Variants in TCTN1 observed in about 807,000 individuals in gnomAD.
TCTN1 encodes tectonic-1.
TCTN1 carries 58 observed loss-of-function variants against 65.8 expected under a neutral mutation model. The observed-to-expected ratio is 0.88, with a 90% confidence interval of 0.71 to 1.10. TCTN1 has a LOEUF of 1.10. Among genes scored for constraint, TCTN1 ranks in the 50% least tolerant of loss-of-function variants. The pLI, the probability that TCTN1 is intolerant of heterozygous loss-of-function variation, is 0.00. For synonymous variants in TCTN1, 273 were observed against 289.1 expected (o/e 0.94, Z 0.57); for missense variants, 645 against 719.4 (o/e 0.90, Z 1.18).
chr12:110,626,093 C>CT (rs1039866216), intron 2 of TCTN1, among the ~76,000 whole-genome samples: 77 of 139,688 alleles, frequency 5.5e-4, no homozygotes, highest in Middle Eastern at 4.0e-3. Context: ...TTCTTTCTTT[C>CT]TTTTTTTTTT....
chr12:110,647,442 C>A, intron 13 of TCTN1, 106 bp downstream of exon 13: 1 of 1,431,606 alleles, frequency 7.0e-7, no homozygotes, highest in Non-Finnish European at 9.7e-7. Flanking sequence ...ATAATTTAAA[C>A]CATGGGGGTT....
chr12:110,643,497 T>G (rs2067098172), intron 11 of TCTN1: 1 of 152,202 alleles, frequency 6.6e-6, no homozygotes, highest in African/African-American at 2.4e-5. Flanking sequence ...AATCTTGAAA[T>G]AACCTGCATA....
At chr12:110,647,484 C>T in intron 13 of TCTN1, 148 bp downstream of exon 13, 2 of 1,143,290 alleles carry the variant, frequency 1.7e-6, no homozygotes, top group Non-Finnish European at 2.5e-6. Context: ...TTCTTAGAAA[C>T]ACTGACGATG....
intron 1 of TCTN1, among the ~76,000 whole-genome samples, chr12:110,619,020 A>C (rs1007172771): frequency 4.8e-4 from 73 of 151,664 alleles, no homozygotes; most frequent in Admixed American, 1.7e-3. Flanking sequence ...AAAATACAAA[A>C]AAAAAAAAAA....
rs778018952 is a variant in TCTN1 at position 110,641,561 on chromosome 12, CT to C, written c.1125del (p.Leu376SerfsTer13). 1.2e-6 allele frequency: 2 copies of C among 1,614,228 alleles called. No individual in the cohort carries two copies. The highest frequency in any genetic ancestry group is 1.7e-6 in the Non-Finnish European group (2 of 1,180,028). On this transcript the variant is annotated frameshift_variant, in exon 10 of 15. Coordinates refer to ENST00000397659, the MANE Select transcript of TCTN1 (RefSeq NM_001082538.3). LOFTEE classifies it high-confidence loss of function. Reference sequence around the variant, plus strand: ...TTTCAGGAAAATACCCAGCCAGTCCCTCTCAGTGGAAACCCTGGTTATGTCG... The same window carrying C: ...TTTCAGGAAAATACCCAGCCAGTCCCCTCAGTGGAAACCCTGGTTATGTCG... ...HFLQENTQPV[P>X]LSGNPGYVVG... is the part of the protein sequence containing the mutation.
At chr12:110,642,458 A>G in intron 11 of TCTN1, 69 bp downstream of exon 11, 2 of 1,610,642 alleles carry the variant, frequency 1.2e-6, no homozygotes, top group Non-Finnish European at 1.7e-6. Context: ...ACTTTTCCCC[A>G]TTTTAATCAA....
chr12:110,622,952 G>T (rs921005921), intron 2 of TCTN1, among the ~76,000 whole-genome samples: 1 of 152,198 alleles, frequency 6.6e-6, no homozygotes, highest in East Asian at 1.9e-4. Flanking sequence ...GGGCTAGGGA[G>T]AAGTATCTAG....
intron 13 of TCTN1, 200 bp from the exon 14 acceptor site, chr12:110,647,549 A>C: frequency 2.0e-6 from 2 of 1,023,732 alleles, no homozygotes. Context: ...TTCTCATGAA[A>C]ATTATGATAT....
chr12:110,625,148 T>C (rs2065743476), intron 2 of TCTN1, among the ~76,000 whole-genome samples: 1 of 152,254 alleles, frequency 6.6e-6, no homozygotes. Flanking sequence ...TTTTATCTAA[T>C]TGATGCTATC....
intron 11 of TCTN1, among the ~76,000 whole-genome samples, chr12:110,643,185 G>A (rs2067075925): frequency 6.6e-6 from 1 of 151,810 alleles, no homozygotes; most frequent in South Asian, 2.1e-4. Flanking sequence ...TTACAGGTGT[G>A]AGCCACTGTG....
At chr12:110,624,515 C>G (rs906237330) in intron 2 of TCTN1, among the ~76,000 whole-genome samples, 2 of 151,464 alleles carry the variant, frequency 1.3e-5, no homozygotes, top group African/African-American at 4.9e-5. Flanking sequence ...TGGCCTGTAT[C>G]TGTATCTATA....
At chr12:110,634,635 A>G in intron 5 of TCTN1, 35 bp from the exon 6 acceptor site, 2 of 1,499,728 alleles carry the variant, frequency 1.3e-6, no homozygotes, top group South Asian at 1.2e-5. Context: ...TCTCTTTTGT[A>G]TTTTTTTTTC....
chr12:110,637,114 T>A (rs2066625910), intron 7 of TCTN1, among the ~76,000 whole-genome samples: 1 of 152,224 alleles, frequency 6.6e-6, no homozygotes, highest in Admixed American at 6.5e-5. Flanking sequence ...CATGGAGGCC[T>A]GAGTTGGTGG....
chr12:110,631,201 T>C (rs2066210301), intron 4 of TCTN1, among the ~76,000 whole-genome samples: 1 of 151,828 alleles, frequency 6.6e-6, no homozygotes, highest in African/African-American at 2.4e-5. Flanking sequence ...AATTTTTGTA[T>C]TTTTGTAGAG....
intron 5 of TCTN1, chr12:110,634,269 G>A (rs1440902901): frequency 2.7e-6 from 1 of 373,708 alleles, no homozygotes; most frequent in Non-Finnish European, 5.5e-6. Context: ...CTCTGGAGAA[G>A]GGGACTGGTG....
At position 110,642,230 on chromosome 12, in the gene TCTN1, C is replaced by A. The variant is rs1182196142; in HGVS notation, c.1191-19C>A. ...GGCTGCTCTAGCACTAGGCAGTTGTCCCTTAACTGTCTGTGAATGTCTGGG... is the reference window on the plus strand; with the variant it reads ...GGCTGCTCTAGCACTAGGCAGTTGTACCTTAACTGTCTGTGAATGTCTGGG... On this transcript the variant is annotated intron_variant, in intron 10 of 14. Transcript: ENST00000397659. 8.1e-6 allele frequency: 13 copies of A among 1,613,928 alleles called. No individual in the cohort carries two copies. Among genetic ancestry groups the A allele is most frequent in the Non-Finnish European group, 1.1e-5 (13 of 1,179,996 alleles).
intron 1 of TCTN1, chr12:110,617,028 G>T (rs895106514): frequency 5.9e-5 from 9 of 152,166 alleles, no homozygotes; most frequent in Admixed American, 5.9e-4. Flanking sequence ...TTCCTAAGTG[G>T]AGTTATTAAA....
chr12:110,620,253 A>G (rs1454992528), intron 2 of TCTN1, among the ~76,000 whole-genome samples: 1 of 152,012 alleles, frequency 6.6e-6, no homozygotes, highest in Admixed American at 6.6e-5. Context: ...TAAAAATCCA[A>G]AAAAATTAGC....
chr12:110,637,722 A>C (rs1049673249), intron 7 of TCTN1, among the ~76,000 whole-genome samples: 3 of 152,182 alleles, frequency 2.0e-5, no homozygotes, highest in Non-Finnish European at 4.4e-5. Flanking sequence ...AAAGTCATGC[A>C]ATGGGCTAGC....
Sources: allele counts gnomAD v4.1 joint callset (sites outside exome capture counted in the v4.1 genomes callset), GRCh38; gene constraint gnomAD v4.1.1; transcripts MANE v1.5; gene names NCBI Gene and HGNC (gene_info 2026-07-23, HGNC 2026-07-21).